The following RARB variants were observed in gnomAD, a reference collection of about 807,000 sequenced individuals.
The protein encoded by RARB is retinoic acid receptor beta.
Under a neutral mutation model 51.9 loss-of-function variants are expected in RARB, and 17 were observed. The ratio of observed to expected loss-of-function variants is 0.33; its 90% CI spans 0.22 to 0.49. The LOEUF (loss-of-function observed/expected upper bound fraction) is 0.49, where lower values mean the gene tolerates loss of function less well. Ranked by LOEUF, RARB falls within the 20% of genes least tolerant of loss-of-function variation. The probability of loss-of-function intolerance (pLI) is 0.99; values close to 1 mark genes in which losing one functional copy is unlikely to be tolerated. For synonymous variants in RARB, 215 were observed against 195.4 expected, an observed-to-expected ratio of 1.10 and a Z score of -0.84; for missense variants, 369 against 550.8, an observed-to-expected ratio of 0.67 and a Z score of 3.30.
At chr3:24,840,742 T>TAAAAAAAAAAAAAAAAAAAAAAAAAA (rs55771334) in intron 1 of RARB, among the ~76,000 whole-genome samples, 1 of 70,342 alleles carries the variant, frequency 1.4e-5, no homozygotes, top group Non-Finnish European at 2.7e-5. Context: ...TGAGTAAGAG[T>TAAAAAAAAAAAAAAAAAAAAAAAAAA]AAAAAAAAAA....
chr3:25,058,062 T>C (rs528248557), intron 2 of RARB, among the ~76,000 whole-genome samples: 4 of 151,968 alleles, frequency 2.6e-5, no homozygotes, highest in Non-Finnish European at 5.9e-5. Context: ...AAATTGACTT[T>C]AGAGCATAAA....
intron 4 of RARB, among the ~76,000 whole-genome samples, chr3:25,135,325 C>T (rs1352412008): frequency 6.6e-6 from 1 of 151,838 alleles, no homozygotes; most frequent in Non-Finnish European, 1.5e-5. Context: ...CTAGTGACTA[C>T]CATATCGGAT....
chr3:25,258,377 A>G (rs939820422), intron 5 of RARB, among the ~76,000 whole-genome samples: 1 of 152,182 alleles, frequency 6.6e-6, no homozygotes, highest in East Asian at 1.9e-4. Context: ...CGCAATTGAT[A>G]TTGTAAAGTA....
chr3:24,984,189 G>A (rs1245876280), intron 2 of RARB, among the ~76,000 whole-genome samples: 2 of 152,294 alleles, frequency 1.3e-5, no homozygotes, highest in African/African-American at 2.4e-5. Flanking sequence ...AACCAGTGAA[G>A]GTGTTCATCA....
intron 2 of RARB, among the ~76,000 whole-genome samples, chr3:25,052,599 C>T (rs1698354173): frequency 6.6e-6 from 1 of 152,062 alleles, no homozygotes; most frequent in South Asian, 2.1e-4. Context: ...TTTAGACGGA[C>T]TAAATGGAGA....
chr3:24,955,632 C>T (rs1457721221), intron 2 of RARB, among the ~76,000 whole-genome samples: 1 of 152,138 alleles, frequency 6.6e-6, no homozygotes, highest in Non-Finnish European at 1.5e-5. Context: ...ATTTTATTTC[C>T]ATGTGGAATC....
At chr3:24,940,635 T>C (rs956596516) in intron 2 of RARB, among the ~76,000 whole-genome samples, 2 of 152,024 alleles carry the variant, frequency 1.3e-5, no homozygotes, top group Admixed American at 6.6e-5. Context: ...CCAAATTGAG[T>C]TCCTGTCCAT....
intron 5 of RARB, among the ~76,000 whole-genome samples, chr3:25,194,814 G>C (rs1701192122): frequency 6.6e-6 from 1 of 151,814 alleles, no homozygotes; most frequent in African/African-American, 2.4e-5. Context: ...GTTAATTTCT[G>C]TGAACCCCAG....
At chr3:25,074,688 C>G (rs990244929) in intron 3 of RARB, among the ~76,000 whole-genome samples, 7 of 152,100 alleles carry the variant, frequency 4.6e-5, no homozygotes, top group Non-Finnish European at 7.4e-5. Flanking sequence ...AGACTTACTA[C>G]TTACTATGCA....
At chr3:25,237,975 A>G (rs1243412348) in intron 5 of RARB, among the ~76,000 whole-genome samples, 1 of 152,190 alleles carries the variant, frequency 6.6e-6, no homozygotes, top group African/African-American at 2.4e-5. Context: ...TAGGATATCC[A>G]TCACCTTGAG....
chr3:24,875,534 T>G (rs1301749127), intron 2 of RARB, among the ~76,000 whole-genome samples: 2 of 152,152 alleles, frequency 1.3e-5, no homozygotes, highest in Non-Finnish European at 1.5e-5. Context: ...ATGCTGATGG[T>G]ACTGCCCTGT....
chr3:25,593,429 T>C lies in RARB; in HGVS notation c.787-74T>C, dbSNP rs1050826049. The C allele has an allele frequency of 3.4e-5, 47 of 1,389,970 alleles. No homozygotes were observed. The South Asian group carries it at 4.7e-4, about 14-fold the overall frequency. The allele number at this position is 1,389,970 out of a possible 1,614,324, so 86.1% of individuals were successfully genotyped here. On this transcript the variant is annotated intron_variant, in intron 5 of 7. Coordinates refer to ENST00000330688, the MANE Select transcript of RARB (RefSeq NM_000965.5). ...AGCTCCTTGGAAATCTTCATGTTATTTCCTGCTTACATCTGATTGATGATT... is the reference window on the plus strand; with the variant it reads ...AGCTCCTTGGAAATCTTCATGTTATCTCCTGCTTACATCTGATTGATGATT...
At chr3:24,952,478 T>TC (rs1306340477) in intron 2 of RARB, among the ~76,000 whole-genome samples, 2 of 151,996 alleles carry the variant, frequency 1.3e-5, no homozygotes, top group African/African-American at 4.8e-5. Flanking sequence ...GCTCCCCCCA[T>TC]CCCCCACTAC....
intron 2 of RARB, among the ~76,000 whole-genome samples, chr3:25,490,393 C>T (rs1299017): frequency 0.53 from 80,771 of 152,100 alleles, 23,310 homozygotes; most frequent in African/African-American, 0.77. Context: ...TATGCAGCAT[C>T]GCCATGGTGA....
At chr3:24,920,750 C>T (rs1695201107) in intron 2 of RARB, among the ~76,000 whole-genome samples, 1 of 152,208 alleles carries the variant, frequency 6.6e-6, no homozygotes, top group Admixed American at 6.5e-5. Flanking sequence ...CTTTAAACTC[C>T]TCCAAACAGC....
chr3:24,921,692 G>C (rs1456971744), intron 2 of RARB, among the ~76,000 whole-genome samples: 1 of 152,108 alleles, frequency 6.6e-6, no homozygotes, highest in Non-Finnish European at 1.5e-5. Flanking sequence ...TCTCCCCAGA[G>C]TGCTACACTA....
intron 2 of RARB, among the ~76,000 whole-genome samples, chr3:24,860,391 G>C (rs899736963): frequency 6.6e-6 from 1 of 152,150 alleles, no homozygotes; most frequent in Non-Finnish European, 1.5e-5. Context: ...AGAGTTGTCA[G>C]CTTGGTTGCT....
At chr3:25,263,892 A>G (rs1179279444) in intron 5 of RARB, among the ~76,000 whole-genome samples, 1 of 152,134 alleles carries the variant, frequency 6.6e-6, no homozygotes, top group Non-Finnish European at 1.5e-5. Flanking sequence ...GCAGTTCTGA[A>G]GGGGGAGAGC....
chr3:25,311,985 G>C (rs1704301173), intron 5 of RARB, among the ~76,000 whole-genome samples: 1 of 151,974 alleles, frequency 6.6e-6, no homozygotes, highest in Non-Finnish European at 1.5e-5. Flanking sequence ...GTTGTACTTG[G>C]TTAGAAAAAA....
Sources: allele counts gnomAD v4.1 joint callset (sites outside exome capture counted in the v4.1 genomes callset), GRCh38; gene constraint gnomAD v4.1.1; transcripts MANE v1.5; gene names NCBI Gene and HGNC (gene_info 2026-07-23, HGNC 2026-07-21).